Variants in OSBPL6 observed in about 807,000 individuals in gnomAD.
OSBPL6 encodes oxysterol binding protein like 6.
Under a neutral mutation model 125.8 loss-of-function variants are expected in OSBPL6, and 49 were observed. That is an observed-to-expected ratio of 0.39 (90% CI 0.31 to 0.49). The LOEUF (loss-of-function observed/expected upper bound fraction) is 0.49. Among genes scored for constraint, OSBPL6 ranks in the 20% least tolerant of loss-of-function variants. The probability of loss-of-function intolerance (pLI) is 0.88; values close to 1 mark genes in which losing one functional copy is unlikely to be tolerated. For synonymous variants in OSBPL6, 394 were observed against 391.8 expected (o/e 1.01, Z -0.07); for missense variants, 986 against 1,135.4 (o/e 0.87, Z 1.89).
At position 178,322,212 on chromosome 2, in the gene OSBPL6, T is replaced by G. The variant is rs1294896659; in HGVS notation, c.103-1965T>G. On this transcript the variant is annotated intron_variant, in intron 3 of 24. Coordinates refer to ENST00000190611, the MANE Select transcript of OSBPL6 (RefSeq NM_032523.4). ...CATAGTTACTAAGGTCAAGTTTCTT[T>G]CCAGGTTTTGTTTTTCTTACCACGT... Among the ~76,000 whole-genome samples the G allele has an allele frequency of 3.3e-5, 5 of 152,354 alleles. No homozygotes were observed. The East Asian group carries it at 9.6e-4, about 29-fold the overall frequency.
intron 3 of OSBPL6, among the ~76,000 whole-genome samples, chr2:178,310,099 A>G (rs536770171): frequency 1.3e-5 from 2 of 152,206 alleles, no homozygotes; most frequent in Non-Finnish European, 2.9e-5. Context: ...ACAAATTTAG[A>G]TTCTTCCTTC....
At chr2:178,335,923 G>A (rs961468402) in intron 8 of OSBPL6, among the ~76,000 whole-genome samples, 2 of 152,142 alleles carry the variant, frequency 1.3e-5, no homozygotes, top group Admixed American at 6.6e-5. Context: ...TGGTCATAAG[G>A]GTACAGAAAC....
At chr2:178,360,370 C>T (rs927302839) in intron 12 of OSBPL6, among the ~76,000 whole-genome samples, 3 of 151,926 alleles carry the variant, frequency 2.0e-5, no homozygotes, top group Admixed American at 6.6e-5. Context: ...TGCCACAGCG[C>T]GGTGGGGGGG....
At chr2:178,314,401 A>T (rs1687560539) in intron 3 of OSBPL6, among the ~76,000 whole-genome samples, 1 of 152,152 alleles carries the variant, frequency 6.6e-6, no homozygotes, top group African/African-American at 2.4e-5. Flanking sequence ...CTGTCAGTTC[A>T]GAGAGAAACA....
At chr2:178,340,747 G>C (rs1049758501) in intron 11 of OSBPL6, among the ~76,000 whole-genome samples, 2 of 152,062 alleles carry the variant, frequency 1.3e-5, no homozygotes, top group African/African-American at 4.8e-5. Context: ...AGTCCCTTCT[G>C]AATAATTAAC....
rs1693454775 is a variant in OSBPL6, at chr2:178,372,190, G to T, written c.1352G>T (p.Cys451Phe). The T allele has an allele frequency of 6.2e-7, 1 of 1,613,006 alleles. No individual in the cohort carries two copies. The highest frequency in any genetic ancestry group is 1.3e-5 in the African/African-American group (1 of 74,876). ...AGAATACATTCAGAGTCTATTATTT[G>T]TGATCAGGTTGTCAGTGTAAATATT... ...LNRIHSESIICDQVVSVNIIP... is the reference protein window; with the variant it reads ...LNRIHSESIIFDQVVSVNIIP... Residue 451 changes from cysteine (C) to phenylalanine (F), a missense_variant, in exon 14 of 25, where the codon TGT (cysteine) becomes TTT (phenylalanine). Cys to Phe is a radical substitution (Grantham distance 205). Around this residue, in one of 3 missense-constraint regions of OSBPL6, gnomAD observed 843 missense variants for 997.3 expected, o/e 0.85. Coordinates refer to ENST00000190611, the MANE Select transcript of OSBPL6 (RefSeq NM_032523.4).
intron 2 of OSBPL6, among the ~76,000 whole-genome samples, chr2:178,295,318 G>A (rs1685647045): frequency 6.6e-6 from 1 of 152,138 alleles, no homozygotes; most frequent in South Asian, 2.1e-4. Context: ...AATGCATCTT[G>A]TTATTTCATA....
chr2:178,265,740 C>T (rs141561634), intron 1 of OSBPL6, among the ~76,000 whole-genome samples: 2 of 152,238 alleles, frequency 1.3e-5, no homozygotes, highest in East Asian at 1.9e-4. Context: ...GCACTACCTT[C>T]GTAAACTTTT....
chr2:178,332,849 C>T (rs1473964813), intron 7 of OSBPL6, 22 bp from the exon 8 acceptor site: 5 of 1,608,580 alleles, frequency 3.1e-6, no homozygotes, highest in Non-Finnish European at 4.3e-6. Context: ...CAATTACTTT[C>T]TCCTCTCGTT....
chr2:178,346,911 G>A (rs777466053), intron 11 of OSBPL6, among the ~76,000 whole-genome samples: 1 of 152,136 alleles, frequency 6.6e-6, no homozygotes, highest in African/African-American at 2.4e-5. Context: ...TCAGTCAGAA[G>A]TATGTGAAAA....
intron 1 of OSBPL6, among the ~76,000 whole-genome samples, chr2:178,266,070 G>C (rs1170622926): frequency 6.6e-6 from 1 of 152,182 alleles, no homozygotes; most frequent in Non-Finnish European, 1.5e-5. Context: ...TAAGGAAAGG[G>C]AAAGAAGTGT....
intron 1 of OSBPL6, among the ~76,000 whole-genome samples, chr2:178,257,665 T>G (rs1340441275): frequency 6.6e-6 from 1 of 152,226 alleles, no homozygotes; most frequent in East Asian, 1.9e-4. Flanking sequence ...GAATAAGGTG[T>G]GCAGGGGTCA....
At chr2:178,295,530 C>A (rs1222152489) in intron 2 of OSBPL6, among the ~76,000 whole-genome samples, 1 of 152,144 alleles carries the variant, frequency 6.6e-6, no homozygotes, top group Non-Finnish European at 1.5e-5. Context: ...TTCTGTCTGA[C>A]CCTTTGCATG....
intron 11 of OSBPL6, among the ~76,000 whole-genome samples, chr2:178,347,777 A>C (rs1690863338): frequency 6.6e-6 from 1 of 152,180 alleles, no homozygotes; most frequent in African/African-American, 2.4e-5. Context: ...TTTAACAATC[A>C]TCTCCCAGCC....
chr2:178,295,784 A>G (rs1685693301), intron 2 of OSBPL6, among the ~76,000 whole-genome samples: 1 of 151,924 alleles, frequency 6.6e-6, no homozygotes, highest in South Asian at 2.1e-4. Context: ...AAATTATTTA[A>G]AGATTAATTA....
chr2:178,306,587 C>A (rs1024153319), intron 3 of OSBPL6, among the ~76,000 whole-genome samples: 1 of 152,144 alleles, frequency 6.6e-6, no homozygotes, highest in East Asian at 1.9e-4. Context: ...CTTGAACACT[C>A]TTCTCTTCGT....
chr2:178,280,310 A>G (rs929115362), intron 1 of OSBPL6, among the ~76,000 whole-genome samples: 8 of 152,266 alleles, frequency 5.3e-5, no homozygotes, highest in African/African-American at 1.7e-4. Context: ...GAATGTGACT[A>G]TATAAACCTG....
At chr2:178,342,303 T>C (rs781156803) in intron 11 of OSBPL6, among the ~76,000 whole-genome samples, 2 of 152,210 alleles carry the variant, frequency 1.3e-5, no homozygotes, top group Non-Finnish European at 2.9e-5. Flanking sequence ...GCTGCTGTTG[T>C]TGTTATCAAT....
intron 2 of OSBPL6, among the ~76,000 whole-genome samples, chr2:178,301,405 A>G (rs1686271045): frequency 6.6e-6 from 1 of 152,090 alleles, no homozygotes; most frequent in Non-Finnish European, 1.5e-5. Flanking sequence ...TAAGAATGGT[A>G]TTGTTGAAGT....
Sources: gnomAD v4.1 joint callset for allele counts (sites outside exome capture counted in the v4.1 genomes callset) on GRCh38, gnomAD v4.1.1 for gene constraint, gnomAD v4.1.1 regional missense constraint, MANE v1.5 for transcripts, NCBI Gene and HGNC (gene_info 2026-07-23, HGNC 2026-07-21) for gene names.